Variants in DSE observed in about 807,000 individuals in gnomAD.
DSE encodes the protein dermatan-sulfate epimerase.
A neutral mutation model predicts 84.4 loss-of-function variants in DSE; 36 were observed. The observed-to-expected ratio is 0.43, with a 90% confidence interval of 0.33 to 0.56. DSE has a LOEUF of 0.56. DSE is among the 20% of genes least tolerant of loss of function. The pLI is 0.06. For synonymous variants in DSE, 410 were observed against 430.1 expected (o/e 0.95, Z 0.58); for missense variants, 862 against 1,169.6 (o/e 0.74, Z 3.84).
At chr6:116,410,673 A>G (rs574518373) in intron 2 of DSE, among the ~76,000 whole-genome samples, 2 of 143,598 alleles carry the variant, frequency 1.4e-5, no homozygotes, top group East Asian at 2.2e-4. Context: ...GGCAGAGCTT[A>G]CAGTGAGCCA....
At chr6:116,254,577 G>T (rs1405685155) in intron 1 of DSE, among the ~76,000 whole-genome samples, 1 of 152,162 alleles carries the variant, frequency 6.6e-6, no homozygotes, top group Non-Finnish European at 1.5e-5. Context: ...CAGCTGAAAG[G>T]CAAACTTCTC....
intron 1 of DSE, among the ~76,000 whole-genome samples, chr6:116,387,170 T>C (rs147295422): frequency 1.3e-3 from 191 of 152,250 alleles, no homozygotes; most frequent in East Asian, 2.9e-3. Flanking sequence ...AACCCACAAG[T>C]ATATGTGATA....
intron 2 of DSE, among the ~76,000 whole-genome samples, chr6:116,318,009 A>G (rs1156987427): frequency 6.6e-6 from 1 of 152,246 alleles, no homozygotes; most frequent in Non-Finnish European, 1.5e-5. Context: ...TTAAACCTCA[A>G]ATAGTATAAA....
intron 2 of DSE, among the ~76,000 whole-genome samples, chr6:116,302,808 T>G (rs1386839246): frequency 6.6e-6 from 1 of 152,210 alleles, no homozygotes; most frequent in Non-Finnish European, 1.5e-5. Context: ...CATCTTGAAT[T>G]AATTTTTGTA....
chr6:116,309,555 C>A (rs1775548089), intron 2 of DSE, among the ~76,000 whole-genome samples: 2 of 152,134 alleles, frequency 1.3e-5, no homozygotes, highest in Admixed American at 6.5e-5. Context: ...AAAAATAACA[C>A]AATAGTTATT....
intron 2 of DSE, among the ~76,000 whole-genome samples, chr6:116,406,521 G>T (rs1417142652): frequency 6.6e-6 from 1 of 152,198 alleles, no homozygotes; most frequent in East Asian, 1.9e-4. Flanking sequence ...CTTTTTAAAA[G>T]TTGGCTTTAT....
chr6:116,291,469 C>A (rs73767721), intron 2 of DSE, among the ~76,000 whole-genome samples: 1,876 of 151,784 alleles, frequency 0.012, 40 homozygotes, highest in African/African-American at 0.043. Flanking sequence ...GTCCAGCCAG[C>A]TTGAGGAAAT....
intron 2 of DSE, among the ~76,000 whole-genome samples, chr6:116,421,442 CATAT>C (rs1325657865): frequency 3.4e-4 from 17 of 50,140 alleles, no homozygotes; most frequent in African/African-American, 8.5e-4. Flanking sequence ...ACTATATATA[CATAT>C]ATATATATAT....
At chr6:116,262,323 G>A (rs758990629) in intron 2 of DSE, among the ~76,000 whole-genome samples, 1 of 152,046 alleles carries the variant, frequency 6.6e-6, no homozygotes, top group Non-Finnish European at 1.5e-5. Flanking sequence ...CCTGGATTCA[G>A]TTTCTTCCTA....
chr6:116,334,844 A>G (rs1455595679), intron 2 of DSE, among the ~76,000 whole-genome samples: 3 of 152,208 alleles, frequency 2.0e-5, no homozygotes, highest in Non-Finnish European at 4.4e-5. Context: ...CACAGGAAAT[A>G]CCATCTCACA....
At chr6:116,286,244 G>A (rs930026583) in intron 2 of DSE, among the ~76,000 whole-genome samples, 1 of 152,116 alleles carries the variant, frequency 6.6e-6, no homozygotes, top group Non-Finnish European at 1.5e-5. Flanking sequence ...CACATCCCTT[G>A]TAAGCTGGAT....
chr6:116,256,945 T>C (rs1455576267), intron 1 of DSE, among the ~76,000 whole-genome samples: 1 of 152,116 alleles, frequency 6.6e-6, no homozygotes, highest in African/African-American at 2.4e-5. Flanking sequence ...AAAATATCGA[T>C]AGAAAATGCC....
chr6:116,334,997 CAG>C lies in DSE; in HGVS notation c.-53-64199_-53-64198del, dbSNP rs553572237. Among the ~76,000 whole-genome samples, 8 of 152,264 alleles carry C rather than the reference CAG, an allele frequency of 5.3e-5. No homozygotes were observed. The South Asian group carries it at 1.7e-3, about 32-fold the overall frequency. On this transcript the variant is annotated intron_variant, in intron 2 of 3. Coordinates refer to the DSE transcript ENST00000430252. The stretch of plus-strand genomic sequence containing the variant: ...TGGCAATTCCTCAAAGACCTAAAGA[CAG>C]AAATACCATTGGCCTCATTACTGTA...
chr6:116,299,337 A>G lies in DSE; in HGVS notation c.-54+40370A>G, dbSNP rs1400602127. On this transcript the variant is annotated intron_variant, in intron 2 of 3. Transcript: ENST00000430252. ...AGAGAGGACTGAATGTTGAAGAACA[A>G]TGAGCACTTTCTCTGTTTAATGGTT... Among the ~76,000 whole-genome samples, 4 of 151,934 alleles carry G rather than the reference A, an allele frequency of 2.6e-5. No homozygotes were observed. In the East Asian group the frequency reaches 7.7e-4, roughly 29 times the overall value.
rs1784333097 is a variant in DSE at position 116,438,929 on chromosome 6, C to G, written c.*1584C>G. The G allele has an allele frequency of 6.6e-6, 1 of 152,178 alleles. No homozygotes were observed. The highest frequency in any genetic ancestry group is 2.1e-4 in the South Asian group (1 of 4,832). The allele number at this position is 152,178 out of a possible 1,614,324, so 9.4% of individuals were successfully genotyped here. ...ATGCTTGGAATCTAGAAAACGACTTCTGAGGAAGTAATTTTTTTCCCCTCT... is the reference window on the plus strand; with the variant it reads ...ATGCTTGGAATCTAGAAAACGACTTGTGAGGAAGTAATTTTTTTCCCCTCT... On this transcript the variant is annotated 3_prime_UTR_variant, in exon 6 of 6. Coordinates refer to ENST00000644252, the MANE Select transcript of DSE (RefSeq NM_013352.4).
chr6:116,325,680 A>G (rs980720360), intron 2 of DSE, among the ~76,000 whole-genome samples: 2 of 152,194 alleles, frequency 1.3e-5, no homozygotes, highest in Non-Finnish European at 2.9e-5. Context: ...TACCTTCTCA[A>G]ATACATAACC....
In DSE at chr6:116,438,822, T is replaced by C. The variant is rs577345824; in HGVS notation, c.*1477T>C. On this transcript the variant is annotated 3_prime_UTR_variant, in exon 6 of 6. Transcript: ENST00000644252. ...CCAAAAGACAAGCTAGAGAAACTTT[T>C]AAGTACCTTTCTGCAGTTCTAATTT... 6.6e-6 allele frequency: 1 copy of C among 152,210 alleles called. No individual in the cohort carries two copies. The highest frequency in any genetic ancestry group is 1.5e-5 in the Non-Finnish European group (1 of 68,030). The allele number at this position is 152,210 out of a possible 1,614,324, so 9.4% of individuals were successfully genotyped here.
At chr6:116,414,274 G>A (rs78281839) in intron 2 of DSE, among the ~76,000 whole-genome samples, 1,726 of 152,294 alleles carry the variant, frequency 0.011, 44 homozygotes, top group African/African-American at 0.038. Context: ...TCTGGTGGTT[G>A]TAGGCAATCT....
chr6:116,280,060 C>T lies in DSE; in HGVS notation c.-54+21093C>T, dbSNP rs189534593. On this transcript the variant is annotated intron_variant, in intron 2 of 3. Transcript: ENST00000430252. ...TCTGGGCTTTATTTCTGTGAATTTA[C>T]CCATAGCAACAGTAATTTTACCTAC... The T allele has an allele frequency of 7.1e-4, 448 of 633,586 alleles. 4 individuals are homozygous for T. The African/African-American group carries it at 7.3e-3, about 10-fold the overall frequency. 39.2% of individuals were successfully genotyped at this position (633,586 alleles called of 1,614,324 possible).
Sources: gnomAD v4.1 joint callset for allele counts (sites outside exome capture counted in the v4.1 genomes callset) on GRCh38, gnomAD v4.1.1 for gene constraint, MANE v1.5 for transcripts, NCBI Gene and HGNC (gene_info 2026-07-23, HGNC 2026-07-21) for gene names.